The following PITPNM3 variants were observed in gnomAD, a reference collection of about 807,000 sequenced individuals.
PITPNM3 encodes the protein PITPNM family member 3.
Under a neutral mutation model 102.0 loss-of-function variants are expected in PITPNM3, and 26 were observed. That is an observed-to-expected ratio of 0.25 (90% CI 0.19 to 0.35). The LOEUF is 0.35. Among genes scored for constraint, PITPNM3 ranks in the 10% least tolerant of loss-of-function variants. The probability of loss-of-function intolerance (pLI) is 1.00; values close to 1 mark genes in which losing one functional copy is unlikely to be tolerated. For synonymous variants in PITPNM3, 578 were observed against 558.6 expected (o/e 1.03, Z -0.49); for missense variants, 1,083 against 1,346.1 (o/e 0.80, Z 3.06).
chr17:6,540,783 C>T (rs1469803687), intron 1 of PITPNM3, among the ~76,000 whole-genome samples: 2 of 152,164 alleles, frequency 1.3e-5, no homozygotes, highest in Admixed American at 1.3e-4. Flanking sequence ...CTCAGCCTCC[C>T]AAGTAGCTGG....
rs566164906 is a variant in PITPNM3, at chr17:6,551,316, C to T, written c.22+5069G>A. Reference sequence around the variant, plus strand: ...AGCTTGCCGTGAGCTGAGCTGAGATCGCGCCACTGCACTCCAGCTTCGGCG... The same window carrying T: ...AGCTTGCCGTGAGCTGAGCTGAGATTGCGCCACTGCACTCCAGCTTCGGCG... On this transcript the variant is annotated intron_variant, in intron 1 of 19. Coordinates refer to ENST00000262483, the MANE Select transcript of PITPNM3 (RefSeq NM_031220.4). Among the ~76,000 whole-genome samples the T allele has an allele frequency of 1.1e-4, 17 of 151,134 alleles. No homozygotes were observed. The South Asian group carries it at 3.6e-3, about 32-fold the overall frequency.
intron 4 of PITPNM3, among the ~76,000 whole-genome samples, chr17:6,489,696 C>T (rs1906325701): frequency 6.6e-6 from 1 of 152,150 alleles, no homozygotes; most frequent in East Asian, 1.9e-4. Context: ...TTCAGTCAAG[C>T]TCATTCCCCA....
intron 19 of PITPNM3, among the ~76,000 whole-genome samples, chr17:6,456,868 A>G (rs1383174584): frequency 6.6e-6 from 1 of 152,016 alleles, no homozygotes; most frequent in Non-Finnish European, 1.5e-5. Flanking sequence ...TCTGGGCATT[A>G]CCAAACCCAA....
chr17:6,548,331 C>T (rs1910137248), intron 1 of PITPNM3, among the ~76,000 whole-genome samples: 3 of 152,176 alleles, frequency 2.0e-5, no homozygotes, highest in Admixed American at 1.3e-4. Context: ...CTCATCACTG[C>T]TCCAGATTAT....
rs143092188 is a variant in PITPNM3 at position 6,505,766 on chromosome 17, G to A, written c.227-2192C>T. On this transcript the variant is annotated intron_variant, in intron 3 of 19. Coordinates refer to ENST00000262483, the MANE Select transcript of PITPNM3 (RefSeq NM_031220.4). ...TCTATGGGCCAAGCCCCATGCTAGG[G>A]GCCATGGAGGATACAGAGATGAGGA... Among the ~76,000 whole-genome samples the A allele has an allele frequency of 1.3e-3, 191 of 152,308 alleles. 1 individual carries two copies. Among genetic ancestry groups the A allele is most frequent in the African/African-American group, 4.5e-3 (185 of 41,552 alleles).
At chr17:6,466,463 C>G (rs1168038978) in intron 14 of PITPNM3, among the ~76,000 whole-genome samples, 1 of 152,126 alleles carries the variant, frequency 6.6e-6, no homozygotes, top group African/African-American at 2.4e-5. Flanking sequence ...GGAGAGGGAG[C>G]AGCTGGTTCA....
At chr17:6,474,357 C>T in intron 10 of PITPNM3, 75 bp downstream of exon 10, 5 of 1,544,568 alleles carry the variant, frequency 3.2e-6, no homozygotes, top group South Asian at 1.1e-5. Flanking sequence ...ACTTCACTCT[C>T]CTCATTCTGA....
chr17:6,478,239 G>T lies in PITPNM3; in HGVS notation c.778-142C>A, dbSNP rs1905436431. 2 of 1,411,180 alleles carry T rather than the reference G, an allele frequency of 1.4e-6. No individual in the cohort carries two copies. The highest frequency in any genetic ancestry group is 1.9e-6 in the Non-Finnish European group (2 of 1,040,138). 87.4% of individuals were successfully genotyped at this position (1,411,180 alleles called of 1,614,324 possible). On this transcript the variant is annotated intron_variant, in intron 7 of 19. Coordinates refer to ENST00000262483, the MANE Select transcript of PITPNM3 (RefSeq NM_031220.4). The surrounding 1 kb of genome is among the most constrained non-coding windows in gnomAD (Gnocchi z 4.4). ...GTTGAGAGAGCCCAACTGGGAAGCAGTGTGCAAACTGGGGAGGGTCAGGGT... is the reference window on the plus strand; with the variant it reads ...GTTGAGAGAGCCCAACTGGGAAGCATTGTGCAAACTGGGGAGGGTCAGGGT...
rs145184461 is a variant in PITPNM3 at position 6,517,853 on chromosome 17, C to T, written c.226+7503G>A. Among the ~76,000 whole-genome samples, 319 of 152,194 alleles carry T rather than the reference C, an allele frequency of 2.1e-3. 1 individual carries two copies. The highest frequency in any genetic ancestry group is 5.3e-3 in the African/African-American group (220 of 41,534). On this transcript the variant is annotated intron_variant, in intron 3 of 19. Coordinates refer to ENST00000262483, the MANE Select transcript of PITPNM3 (RefSeq NM_031220.4). This position sits in a 1 kb window ranked among gnomAD's most constrained non-coding sequence, Gnocchi z 4.1. Reference sequence around the variant, plus strand: ...GGGATTACAGGCATGAGCCACTGTACCTGGCCAAAAATACCAGTTTTCAAA... The same window carrying T: ...GGGATTACAGGCATGAGCCACTGTATCTGGCCAAAAATACCAGTTTTCAAA...
intron 4 of PITPNM3, among the ~76,000 whole-genome samples, chr17:6,503,211 G>A (rs149238299): frequency 6.6e-6 from 1 of 152,260 alleles, no homozygotes; most frequent in Admixed American, 6.5e-5. Flanking sequence ...CAGCTGCTCT[G>A]CTGAGCTCAC....
chr17:6,541,025 C>T (rs538652242), intron 1 of PITPNM3, among the ~76,000 whole-genome samples: 1 of 152,316 alleles, frequency 6.6e-6, no homozygotes, highest in South Asian at 2.1e-4. Flanking sequence ...GGCTGCCCAA[C>T]AAACTTCTGG....
chr17:6,509,731 C>A (rs1044163098), intron 3 of PITPNM3, among the ~76,000 whole-genome samples: 4 of 152,168 alleles, frequency 2.6e-5, no homozygotes. Context: ...CGCTCATTAC[C>A]CTTCACCTGG....
intron 2 of PITPNM3, among the ~76,000 whole-genome samples, chr17:6,530,141 G>A (rs1465920475): frequency 6.6e-6 from 1 of 152,224 alleles, no homozygotes; most frequent in Non-Finnish European, 1.5e-5. Flanking sequence ...TCAGAGGGCA[G>A]ACAGTCAGTG....
At position 6,478,976 on chromosome 17, in the gene PITPNM3, G is replaced by C. The variant is rs530718982; in HGVS notation, c.588-240C>G. ...CCTTCCCGTGCTGGCCATGGGTGTG[G>C]GCCCTGGGGTCCCTGTGACTGCAGT... On this transcript the variant is annotated intron_variant, in intron 6 of 19. Coordinates refer to ENST00000262483, the MANE Select transcript of PITPNM3 (RefSeq NM_031220.4). This position sits in a 1 kb window ranked among gnomAD's most constrained non-coding sequence, Gnocchi z 4.4. 1.1e-5 allele frequency: 6 copies of C among 567,654 alleles called. No homozygotes were observed. The East Asian group carries it at 1.7e-4, about 16-fold the overall frequency. The allele number at this position is 567,654 out of a possible 1,614,324, so 35.2% of individuals were successfully genotyped here.
chr17:6,544,410 T>TAGTC (rs1909898012), intron 1 of PITPNM3, among the ~76,000 whole-genome samples: 1 of 152,100 alleles, frequency 6.6e-6, no homozygotes, highest in African/African-American at 2.4e-5. Flanking sequence ...CATGTGCCTA[T>TAGTC]AGTCCCAGGT....
chr17:6,461,289 C>A (rs1388125654), intron 18 of PITPNM3, 84 bp downstream of exon 18: 6 of 1,504,810 alleles, frequency 4.0e-6, no homozygotes, highest in Non-Finnish European at 4.6e-6. Context: ...CAAGGCCCCA[C>A]CCGGGAGGAG....
At position 6,470,464 on chromosome 17, in the gene PITPNM3, G is replaced by A; in HGVS notation, c.1625-56C>T. On this transcript the variant is annotated intron_variant, in intron 12 of 19. Transcript: ENST00000262483. The surrounding 1 kb of genome is among the most constrained non-coding windows in gnomAD (Gnocchi z 4.8). ...TGGCCGGCCCGGGGCCTCACCCGAG[G>A]GGCAGCGGGGTCTCCCATTGCACAG... 6.2e-7 allele frequency: 1 copy of A among 1,610,812 alleles called. No individual in the cohort carries two copies. The highest frequency in any genetic ancestry group is 1.1e-5 in the South Asian group (1 of 90,912).
rs1905433035 is a variant in PITPNM3, at chr17:6,478,183, C to G, written c.778-86G>C. On this transcript the variant is annotated intron_variant, in intron 7 of 19. Coordinates refer to ENST00000262483, the MANE Select transcript of PITPNM3 (RefSeq NM_031220.4). This position sits in a 1 kb window ranked among gnomAD's most constrained non-coding sequence, Gnocchi z 4.4. ...CGGCCAGAGCAGTGCTGCCTCCCCA[C>G]AGGAGAATGAGAAACTCGTCCTTGG... 1.9e-6 allele frequency: 3 copies of G among 1,590,496 alleles called. No homozygotes were observed. Among genetic ancestry groups the G allele is most frequent in the East Asian group, 2.2e-5 (1 of 44,608 alleles).
At chr17:6,465,771 C>A (rs1361862201) in intron 14 of PITPNM3, among the ~76,000 whole-genome samples, 3 of 152,216 alleles carry the variant, frequency 2.0e-5, no homozygotes, top group Non-Finnish European at 4.4e-5. Context: ...CATTCTGCAG[C>A]CTGTGTTGGC....
Sources: gnomAD v4.1 joint callset for allele counts (sites outside exome capture counted in the v4.1 genomes callset) on GRCh38, gnomAD v4.1.1 for gene constraint, Gnocchi (gnomAD v3.1) non-coding constraint, MANE v1.5 for transcripts, NCBI Gene and HGNC (gene_info 2026-07-23, HGNC 2026-07-21) for gene names.